KIAA1217: variants seen among roughly 807,000 people sequenced by gnomAD.
KIAA1217 encodes KIAA1217.
A neutral mutation model predicts 163.9 loss-of-function variants in KIAA1217; 88 were observed. That is an observed-to-expected ratio of 0.54 (90% confidence interval 0.45 to 0.64). The LOEUF (loss-of-function observed/expected upper bound fraction) is 0.64. Among genes scored for constraint, KIAA1217 ranks in the 30% least tolerant of loss-of-function variants. KIAA1217 has a pLI of 0.00. For missense variants in KIAA1217, 2,372 were observed against 2,475.0 expected, an observed-to-expected ratio of 0.96 and a Z score of 0.88; for synonymous variants, 903 against 923.1, an observed-to-expected ratio of 0.98 and a Z score of 0.39.
intron 2 of KIAA1217, among the ~76,000 whole-genome samples, chr10:24,140,587 G>A (rs1166425869): frequency 6.6e-6 from 1 of 152,100 alleles, no homozygotes; most frequent in African/African-American, 2.4e-5. Context: ...TTCTTGTCCT[G>A]GGTGGAATGA....
chr10:24,079,005 T>C (rs2061456345), intron 2 of KIAA1217, among the ~76,000 whole-genome samples: 1 of 152,342 alleles, frequency 6.6e-6, no homozygotes, highest in South Asian at 2.1e-4. Context: ...GTGTTGGATC[T>C]GGTAACGTCT....
chr10:24,539,039 T>C (rs2074580927), intron 17 of KIAA1217, among the ~76,000 whole-genome samples: 1 of 151,760 alleles, frequency 6.6e-6, no homozygotes, highest in African/African-American at 2.4e-5. Context: ...GCCGGAAATA[T>C]ATTGGTCTTT....
intron 2 of KIAA1217, among the ~76,000 whole-genome samples, chr10:24,358,324 A>G (rs761474930): frequency 2.4e-4 from 37 of 152,282 alleles, no homozygotes; most frequent in South Asian, 4.1e-4. Flanking sequence ...GGGCAGTTCT[A>G]AGAGTATCTG....
At chr10:24,091,088 C>G (rs1045146855) in intron 2 of KIAA1217, among the ~76,000 whole-genome samples, 2 of 151,912 alleles carry the variant, frequency 1.3e-5, no homozygotes, top group African/African-American at 4.9e-5. Context: ...CTGTATAGAA[C>G]CATTCCACAA....
At chr10:24,060,792 T>A (rs1171865516) in intron 2 of KIAA1217, among the ~76,000 whole-genome samples, 1 of 152,168 alleles carries the variant, frequency 6.6e-6, no homozygotes, top group Non-Finnish European at 1.5e-5. Context: ...CACAGCCTTG[T>A]CACAGCTTCG....
intron 1 of KIAA1217, among the ~76,000 whole-genome samples, chr10:23,938,515 G>A (rs1224535145): frequency 6.6e-6 from 1 of 151,160 alleles, no homozygotes; most frequent in Non-Finnish European, 1.5e-5. Flanking sequence ...AATAAAAATA[G>A]CAGTACAACA....
chr10:24,270,734 A>T (rs921919159), intron 2 of KIAA1217, among the ~76,000 whole-genome samples: 2 of 152,020 alleles, frequency 1.3e-5, no homozygotes, highest in Non-Finnish European at 2.9e-5. Flanking sequence ...TTTAGTAGTT[A>T]TGGGGTTTCA....
At chr10:24,239,008 T>C (rs992028793) in intron 2 of KIAA1217, 1 of 217,118 alleles carries the variant, frequency 4.6e-6, no homozygotes, top group Admixed American at 6.5e-5. Context: ...GACGATTGTT[T>C]AAGTCTTCGC....
chr10:24,488,162 A>C (rs778632963), intron 6 of KIAA1217, among the ~76,000 whole-genome samples: 51 of 152,232 alleles, frequency 3.4e-4, no homozygotes, highest in Non-Finnish European at 1.0e-4. Flanking sequence ...CAGTAACACC[A>C]TTCTGAGTTA....
chr10:24,503,439 C>T (rs1319559563), intron 9 of KIAA1217, among the ~76,000 whole-genome samples: 1 of 152,142 alleles, frequency 6.6e-6, no homozygotes, highest in Admixed American at 6.5e-5. Flanking sequence ...ATGAAGTGTA[C>T]GGGTTGGGCT....
In KIAA1217 at chr10:24,077,688, T is replaced by A. The variant is rs546958806; in HGVS notation, c.-171+70314T>A. ...ATACAATGATTCATATTCCTCTGGATGTATAACTGGTAACAGGATTGCTGG... is the reference window on the plus strand; with the variant it reads ...ATACAATGATTCATATTCCTCTGGAAGTATAACTGGTAACAGGATTGCTGG... On this transcript the variant is annotated intron_variant, in intron 2 of 18. Coordinates refer to the KIAA1217 transcript ENST00000376462. Among the ~76,000 whole-genome samples, 3 of 152,348 alleles carry A rather than the reference T, an allele frequency of 2.0e-5. No homozygotes were observed. In the South Asian group the frequency reaches 6.2e-4, roughly 32 times the overall value.
chr10:24,177,695 C>T (rs1402246193), intron 2 of KIAA1217, among the ~76,000 whole-genome samples: 4 of 151,676 alleles, frequency 2.6e-5, no homozygotes, highest in Non-Finnish European at 5.9e-5. Flanking sequence ...CAATCAATGC[C>T]TATATTTATT....
intron 2 of KIAA1217, among the ~76,000 whole-genome samples, chr10:24,108,286 G>A (rs770880166): frequency 7.2e-5 from 11 of 152,196 alleles, no homozygotes; most frequent in Non-Finnish European, 1.2e-4. Context: ...AAAATATTTC[G>A]GTAGCAAAAA....
intron 2 of KIAA1217, among the ~76,000 whole-genome samples, chr10:24,376,131 A>C (rs2052456255): frequency 6.6e-6 from 1 of 152,230 alleles, no homozygotes; most frequent in Non-Finnish European, 1.5e-5. Context: ...GTCTTTTAAA[A>C]ATTAATGCTG....
intron 1 of KIAA1217, among the ~76,000 whole-genome samples, chr10:23,757,609 C>A (rs908754292): frequency 2.0e-5 from 3 of 152,120 alleles, no homozygotes; most frequent in African/African-American, 7.2e-5. Flanking sequence ...CCTCTGCCTC[C>A]CGGGTTCCCA....
intron 2 of KIAA1217, among the ~76,000 whole-genome samples, chr10:24,023,850 A>C (rs1847836842): frequency 6.6e-6 from 1 of 151,768 alleles, no homozygotes; most frequent in Non-Finnish European, 1.5e-5. Flanking sequence ...TAAACAAAGA[A>C]GGCAGAGATT....
intron 1 of KIAA1217, among the ~76,000 whole-genome samples, chr10:23,952,412 C>T (rs567461037): frequency 1.2e-4 from 19 of 152,108 alleles, no homozygotes; most frequent in Middle Eastern, 3.2e-3. Flanking sequence ...AAAAGGTAGC[C>T]GGATTTAATC....
chr10:24,496,178 T>G (rs1290138835), intron 8 of KIAA1217, among the ~76,000 whole-genome samples: 1 of 152,256 alleles, frequency 6.6e-6, no homozygotes, highest in Non-Finnish European at 1.5e-5. Context: ...AGTTTAGGGC[T>G]CTGTTGGTCG....
At chr10:24,184,815 G>A (rs939689542) in intron 2 of KIAA1217, among the ~76,000 whole-genome samples, 1 of 152,158 alleles carries the variant, frequency 6.6e-6, no homozygotes, top group Non-Finnish European at 1.5e-5. Context: ...CCCATAGGTG[G>A]TCATTCAAAC....
Sources: gnomAD v4.1 joint callset for allele counts (sites outside exome capture counted in the v4.1 genomes callset) on GRCh38, gnomAD v4.1.1 for gene constraint, MANE v1.5 for transcripts, NCBI Gene and HGNC (gene_info 2026-07-23, HGNC 2026-07-21) for gene names.